LRP1B: variants seen among roughly 807,000 people sequenced by gnomAD.
The protein encoded by LRP1B is low-density lipoprotein receptor-related protein 1B.
In LRP1B, 217 loss-of-function variants were observed where a neutral mutation model predicts 556.6. The observed-to-expected ratio is 0.39, with a 90% CI of 0.35 to 0.44. The LOEUF (loss-of-function observed/expected upper bound fraction) is 0.44. Ranked by LOEUF, LRP1B falls within the 20% of genes least tolerant of loss-of-function variation. The pLI is 1.00. For synonymous variants in LRP1B, 2,047 were observed against 1,865.8 expected (o/e 1.10, Z -2.50); for missense variants, 5,053 against 5,620.8 (o/e 0.90, Z 3.23).
intron 2 of LRP1B, among the ~76,000 whole-genome samples, chr2:141,573,506 T>C (rs989161533): frequency 1.3e-5 from 2 of 151,760 alleles, no homozygotes; most frequent in Non-Finnish European, 2.9e-5. Flanking sequence ...AAATCTCAAA[T>C]TGACACCCTA....
intron 20 of LRP1B, among the ~76,000 whole-genome samples, chr2:140,928,512 G>T (rs920681497): frequency 3.3e-5 from 5 of 152,158 alleles, no homozygotes; most frequent in Non-Finnish European, 7.4e-5. Flanking sequence ...TGAGGGTTCT[G>T]GATGGCCTCA....
At chr2:141,086,967 T>C (rs1396302368) in intron 7 of LRP1B, among the ~76,000 whole-genome samples, 1 of 152,162 alleles carries the variant, frequency 6.6e-6, no homozygotes, top group Non-Finnish European at 1.5e-5. Context: ...TTGGTGGTTG[T>C]TGAAATGGGC....
intron 3 of LRP1B, among the ~76,000 whole-genome samples, chr2:141,326,291 C>T (rs1388975485): frequency 6.6e-6 from 1 of 151,876 alleles, no homozygotes; most frequent in Non-Finnish European, 1.5e-5. Flanking sequence ...TTATCTAGAT[C>T]GACAATAGGA....
intron 2 of LRP1B, among the ~76,000 whole-genome samples, chr2:141,781,595 A>G (rs1695256591): frequency 6.6e-6 from 1 of 152,228 alleles, no homozygotes; most frequent in Non-Finnish European, 1.5e-5. Flanking sequence ...AAAAATGGAA[A>G]GCAGCATTTG....
chr2:141,706,423 A>G (rs1376555597), intron 2 of LRP1B, among the ~76,000 whole-genome samples: 4 of 152,096 alleles, frequency 2.6e-5, no homozygotes, highest in Non-Finnish European at 5.9e-5. Flanking sequence ...CTCAGTAAAC[A>G]TTTTTGTGTT....
intron 43 of LRP1B, among the ~76,000 whole-genome samples, chr2:140,595,274 T>C (rs1341336782): frequency 1.3e-5 from 2 of 151,726 alleles, no homozygotes; most frequent in Non-Finnish European, 2.9e-5. Flanking sequence ...CTGGTTCCTG[T>C]GAACACTGGC....
intron 1 of LRP1B, among the ~76,000 whole-genome samples, chr2:142,060,439 T>A (rs1704863052): frequency 6.6e-6 from 1 of 151,852 alleles, no homozygotes; most frequent in East Asian, 1.9e-4. Context: ...CTCAGGAGAG[T>A]CTGCCTCTGC....
intron 35 of LRP1B, among the ~76,000 whole-genome samples, chr2:140,721,097 A>G (rs1687383923): frequency 6.6e-6 from 1 of 152,150 alleles, no homozygotes; most frequent in Non-Finnish European, 1.5e-5. Flanking sequence ...CAGAAGGCAG[A>G]ATTTAGATAA....
intron 41 of LRP1B, among the ~76,000 whole-genome samples, chr2:140,638,395 AGGTAATTCTGT>A (rs1684151150): frequency 1.3e-5 from 2 of 152,204 alleles, no homozygotes; most frequent in African/African-American, 4.8e-5. Flanking sequence ...TAGACAATTC[AGGTAATTCTGT>A]GGCGAGGCTG....
chr2:140,468,174 T>C (rs1687624616), intron 60 of LRP1B, among the ~76,000 whole-genome samples: 2 of 152,272 alleles, frequency 1.3e-5, no homozygotes, highest in South Asian at 4.2e-4. Context: ...CCTTTCAGTG[T>C]GGTGCTCTTT....
At chr2:141,058,500 G>C (rs1376568301) in intron 9 of LRP1B, among the ~76,000 whole-genome samples, 1 of 151,780 alleles carries the variant, frequency 6.6e-6, no homozygotes, top group African/African-American at 2.4e-5. Context: ...AGAGCCCAAT[G>C]ACTATAATAA....
intron 17 of LRP1B, among the ~76,000 whole-genome samples, 192 bp from the exon 18 acceptor site, chr2:140,982,468 C>T (rs1573949103): frequency 6.6e-6 from 1 of 152,142 alleles, no homozygotes; most frequent in Admixed American, 6.6e-5. Flanking sequence ...AGTTCACATG[C>T]TTTGCCCTTC....
chr2:141,128,697 C>T (rs1331636964), intron 7 of LRP1B, among the ~76,000 whole-genome samples: 2 of 152,114 alleles, frequency 1.3e-5, no homozygotes, highest in African/African-American at 4.8e-5. Context: ...CTTGGCTCAC[C>T]ACAACCTCCA....
chr2:141,150,148 C>T (rs1048840732), intron 7 of LRP1B, among the ~76,000 whole-genome samples: 5 of 152,140 alleles, frequency 3.3e-5, no homozygotes, highest in African/African-American at 1.2e-4. Flanking sequence ...TAAGGATCTA[C>T]TGAACTGTTT....
At chr2:141,741,955 G>C (rs1236573828) in intron 2 of LRP1B, among the ~76,000 whole-genome samples, 1 of 152,068 alleles carries the variant, frequency 6.6e-6, no homozygotes, top group Non-Finnish European at 1.5e-5. Flanking sequence ...AATACATTTT[G>C]ATTTGATTTT....
intron 2 of LRP1B, among the ~76,000 whole-genome samples, chr2:141,587,943 C>T (rs1217512468): frequency 6.6e-6 from 1 of 152,162 alleles, no homozygotes; most frequent in African/African-American, 2.4e-5. Context: ...TTTTCTTTCT[C>T]TACACTTAGT....
At chr2:141,041,547 T>C (rs1698697608) in intron 11 of LRP1B, among the ~76,000 whole-genome samples, 1 of 152,040 alleles carries the variant, frequency 6.6e-6, no homozygotes, top group Non-Finnish European at 1.5e-5. Flanking sequence ...CCCTTATAAA[T>C]TTCCTTGTGA....
Position 140,893,320 on chromosome 2 carries a change from C to A in LRP1B, c.3767-6985G>T, listed in dbSNP as rs181501078. On this transcript the variant is annotated intron_variant, in intron 23 of 90. Coordinates refer to ENST00000389484, the MANE Select transcript of LRP1B (RefSeq NM_018557.3). Reference sequence around the variant, plus strand: ...GGGATATAAAATATTTTGATTCAATCTCAACTTTTATGAAAGTGGATGCAA... The same window carrying A: ...GGGATATAAAATATTTTGATTCAATATCAACTTTTATGAAAGTGGATGCAA... Among the ~76,000 whole-genome samples the A allele has an allele frequency of 2.7e-4, 41 of 152,286 alleles. 1 individual carries two copies. The highest frequency in any genetic ancestry group is 2.1e-3 in the Admixed American group (32 of 15,294).
chr2:140,850,171 C>T lies in LRP1B; in HGVS notation c.4870G>A (p.Asp1624Asn), dbSNP rs1692414080. Residue 1624 changes from aspartate (D) to asparagine (N), a missense_variant, in exon 29 of 91, where the codon GAT becomes AAT. By Grantham distance (23) the Asp-to-Asn change is conservative. This residue lies in a region of LRP1B where 3,619 missense variants were observed against 3,931.9 expected (regional missense o/e 0.92). Coordinates refer to ENST00000389484, the MANE Select transcript of LRP1B (RefSeq NM_018557.3). ...CGTTTAATGGTTTGTGTTTTAATAT[C>T]TGTCCAGTATAAACGTTCCTCAGAT... ...DASEERLYWT[D>N]IKTQTIKRAF... 1 of 1,613,856 alleles carries T rather than the reference C, an allele frequency of 6.2e-7. No homozygotes were observed. Among genetic ancestry groups the T allele is most frequent in the Non-Finnish European group, 8.5e-7 (1 of 1,179,866 alleles).
Sources: allele counts gnomAD v4.1 joint callset (sites outside exome capture counted in the v4.1 genomes callset), GRCh38; gene constraint gnomAD v4.1.1; regional missense constraint gnomAD v4.1.1; transcripts MANE v1.5; gene names NCBI Gene and HGNC (gene_info 2026-07-23, HGNC 2026-07-21).